Variants in TENM3 observed in about 807,000 individuals in gnomAD.
TENM3 encodes the protein teneurin-3.
A neutral mutation model predicts 255.1 loss-of-function variants in TENM3; 63 were observed. The ratio of observed to expected loss-of-function variants is 0.25; its 90% CI spans 0.20 to 0.30. TENM3 has a LOEUF of 0.30. TENM3 is among the 10% of genes least tolerant of loss of function. TENM3 has a pLI of 1.00. For missense variants in TENM3, 2,929 were observed against 3,461.1 expected (o/e 0.85, Z 3.86); for synonymous variants, 1,306 against 1,322.3 (o/e 0.99, Z 0.27).
chr4:182,151,889 A>G (rs1002115190), intron 1 of TENM3, among the ~76,000 whole-genome samples: 3 of 152,068 alleles, frequency 2.0e-5, no homozygotes, highest in African/African-American at 4.8e-5. Context: ...GTGATGAACT[A>G]TAATATTGCA....
At chr4:181,810,439 T>C in the TENM3 span, among the ~76,000 whole-genome samples, 2 of 151,830 alleles carry the variant, frequency 1.3e-5, no homozygotes, top group African/African-American at 2.4e-5. Flanking sequence ...AAATCTAAAA[T>C]TATTAGATTT....
intron 1 of TENM3, among the ~76,000 whole-genome samples, chr4:182,227,293 T>A (rs1756222447): frequency 6.6e-6 from 1 of 152,114 alleles, no homozygotes; most frequent in African/African-American, 2.4e-5. Flanking sequence ...TAAGTGGAGG[T>A]CCACATTGTC....
At chr4:181,686,783 A>AT in the TENM3 span, among the ~76,000 whole-genome samples, 3 of 152,192 alleles carry the variant, frequency 2.0e-5, no homozygotes, top group South Asian at 6.2e-4. Context: ...AATCACTGTA[A>AT]TTTTTTAAAA....
the TENM3 span, among the ~76,000 whole-genome samples, chr4:182,028,977 A>G: frequency 8.5e-5 from 13 of 152,304 alleles, no homozygotes; most frequent in African/African-American, 2.9e-4. Context: ...TATAGTGCAG[A>G]TTAAGTACTG....
intron 4 of TENM3, among the ~76,000 whole-genome samples, chr4:182,626,824 T>C (rs1196129245): frequency 6.6e-6 from 1 of 152,222 alleles, no homozygotes; most frequent in East Asian, 1.9e-4. Context: ...TAATTTTGTG[T>C]TTGACAAAGC....
At chr4:182,035,028 T>A in the TENM3 span, among the ~76,000 whole-genome samples, 106,073 of 151,872 alleles carry the variant, frequency 0.7, 38,740 homozygotes, top group East Asian at 0.91. Context: ...CCAATCAGTC[T>A]TAGGTTCAGT....
intron 1 of TENM3, among the ~76,000 whole-genome samples, chr4:182,216,076 C>T (rs371341130): frequency 7.2e-5 from 11 of 152,280 alleles, no homozygotes; most frequent in African/African-American, 2.6e-4. Flanking sequence ...GTTGATTTCT[C>T]CAAAGGCCAG....
chr4:181,764,600 G>C, the TENM3 span, among the ~76,000 whole-genome samples: 1 of 152,158 alleles, frequency 6.6e-6, no homozygotes, highest in Non-Finnish European at 1.5e-5. Context: ...TTATTTTTCA[G>C]CAACTATTCC....
At chr4:182,657,086 T>C (rs1456738888) in intron 6 of TENM3, among the ~76,000 whole-genome samples, 3 of 152,358 alleles carry the variant, frequency 2.0e-5, no homozygotes, top group African/African-American at 7.2e-5. Flanking sequence ...TAGCCTAATG[T>C]ACTGGAAAGA....
At chr4:182,014,174 A>AG in the TENM3 span, among the ~76,000 whole-genome samples, 1 of 147,918 alleles carries the variant, frequency 6.8e-6, no homozygotes, top group African/African-American at 2.5e-5. Flanking sequence ...ATATATACAT[A>AG]TATATATGTG....
intron 1 of TENM3, among the ~76,000 whole-genome samples, chr4:182,227,246 C>T (rs1428957771): frequency 1.3e-5 from 2 of 152,102 alleles, no homozygotes; most frequent in East Asian, 3.9e-4. Context: ...TGCCTGGCTT[C>T]CCCATTAATT....
chr4:181,887,989 GA>G, the TENM3 span, among the ~76,000 whole-genome samples: 1 of 152,072 alleles, frequency 6.6e-6, no homozygotes, highest in Non-Finnish European at 1.5e-5. Context: ...CTTCCCAGAT[GA>G]GGCTCAATTT....
At chr4:182,728,154 G>A (rs1274017643) in intron 13 of TENM3, among the ~76,000 whole-genome samples, 4 of 152,068 alleles carry the variant, frequency 2.6e-5, no homozygotes, top group East Asian at 1.9e-4. Flanking sequence ...GGCCAGAAGA[G>A]CTATTTTATT....
chr4:182,800,221 A>G lies in TENM3; in HGVS notation c.7970A>G (p.Gln2657Arg). The G allele has an allele frequency of 6.3e-7, 1 of 1,591,930 alleles. No individual in the cohort carries two copies. Among genetic ancestry groups the G allele is most frequent in the African/African-American group, 1.3e-5 (1 of 74,654 alleles). The change falls in exon 28 of 28, where the codon CAG (glutamine) becomes CGG (arginine). Residue 2657 changes from glutamine to arginine, a missense_variant. Gln to Arg is a conservative substitution (Grantham distance 43). Coordinates refer to ENST00000511685, the MANE Select transcript of TENM3 (RefSeq NM_001080477.4). ...ARLWTEGEKR[Q>R]LLSAGKVQGY... is the part of the protein sequence containing the mutation. Reference sequence around the variant, plus strand: ...CTCTGGACGGAGGGCGAGAAGCGGCAGCTGCTGAGCGCCGGCAAGGTGCAG... The same window carrying G: ...CTCTGGACGGAGGGCGAGAAGCGGCGGCTGCTGAGCGCCGGCAAGGTGCAG...
chr4:181,534,637 G>A, the TENM3 span, among the ~76,000 whole-genome samples: 3 of 152,144 alleles, frequency 2.0e-5, no homozygotes, highest in Admixed American at 2.0e-4. Flanking sequence ...GAGAAGGAAA[G>A]ATTTCTTGAG....
chr4:181,796,602 G>A, the TENM3 span, among the ~76,000 whole-genome samples: 9 of 152,178 alleles, frequency 5.9e-5, no homozygotes, highest in South Asian at 2.1e-4. Context: ...AAGGGGAGGG[G>A]TGGGGCCCAC....
At chr4:182,783,475 G>A (rs1765350264) in intron 24 of TENM3, among the ~76,000 whole-genome samples, 1 of 152,078 alleles carries the variant, frequency 6.6e-6, no homozygotes, top group Non-Finnish European at 1.5e-5. Context: ...CTTTCTCTCT[G>A]GCTGCCCTTA....
chr4:181,932,046 C>T, the TENM3 span, among the ~76,000 whole-genome samples: 3 of 152,134 alleles, frequency 2.0e-5, no homozygotes, highest in Admixed American at 6.6e-5. Context: ...AAACATAAAA[C>T]CTAAAATCAT....
At chr4:181,831,138 T>C in the TENM3 span, among the ~76,000 whole-genome samples, 1 of 152,218 alleles carries the variant, frequency 6.6e-6, no homozygotes, top group East Asian at 1.9e-4. Context: ...TTTTGTATAT[T>C]GTTTAAAAAT....
Sources: gnomAD v4.1 joint callset for allele counts (sites outside exome capture counted in the v4.1 genomes callset) on GRCh38, gnomAD v4.1.1 for gene constraint, MANE v1.5 for transcripts, NCBI Gene and HGNC (gene_info 2026-07-23, HGNC 2026-07-21) for gene names.